Variants in CSMD1 observed in about 807,000 individuals in gnomAD.
The protein encoded by CSMD1 is CUB and sushi domain-containing protein 1.
A neutral mutation model predicts 417.5 loss-of-function variants in CSMD1; 213 were observed. The observed-to-expected ratio is 0.51, with a 90% CI of 0.46 to 0.57. The LOEUF (loss-of-function observed/expected upper bound fraction) is 0.57. CSMD1 is among the 20% of genes least tolerant of loss of function. The pLI, the probability that CSMD1 is intolerant of heterozygous loss-of-function variation, is 0.00. For synonymous variants in CSMD1, 2,862 were observed against 1,736.8 expected (o/e 1.65, Z -16.11); for missense variants, 6,923 against 4,529.7 (o/e 1.53, Z -15.17).
chr8:4,437,091 G>A (rs552518211), intron 2 of CSMD1, among the ~76,000 whole-genome samples: 52 of 151,938 alleles, frequency 3.4e-4, no homozygotes, highest in Non-Finnish European at 3.1e-4. Flanking sequence ...ACAAATTTCC[G>A]AAAAAATGAA....
At position 4,179,785 on chromosome 8, in the gene CSMD1, C is replaced by G. The variant is rs558558706; in HGVS notation, c.416-147686G>C. Among the ~76,000 whole-genome samples the G allele has an allele frequency of 2.2e-4, 33 of 152,210 alleles. 1 individual carries two copies. Among genetic ancestry groups the G allele is most frequent in the African/African-American group, 6.7e-4 (28 of 41,534 alleles). ...TGGTGAACAATATGAACAGACACTTCTCAAAAGAAGACATTTATGCAGCCA... is the reference window on the plus strand; with the variant it reads ...TGGTGAACAATATGAACAGACACTTGTCAAAAGAAGACATTTATGCAGCCA... On this transcript the variant is annotated intron_variant, in intron 3 of 69. Transcript: ENST00000635120.
chr8:3,051,482 G>A (rs13281395), intron 50 of CSMD1, among the ~76,000 whole-genome samples: 74,887 of 151,772 alleles, frequency 0.49, 19,068 homozygotes, highest in Non-Finnish European at 0.56. Context: ...TTCAAAGACT[G>A]TCTCTTGGGT....
intron 3 of CSMD1, among the ~76,000 whole-genome samples, chr8:4,280,404 T>G (rs779704514): frequency 5.3e-5 from 8 of 152,220 alleles, no homozygotes; most frequent in Non-Finnish European, 8.8e-5. Context: ...GTCTAGAATC[T>G]GACAATTAAA....
At chr8:4,546,161 A>AT (rs1242885709) in intron 2 of CSMD1, among the ~76,000 whole-genome samples, 1 of 152,048 alleles carries the variant, frequency 6.6e-6, no homozygotes, top group Non-Finnish European at 1.5e-5. Flanking sequence ...TCCAATGAAC[A>AT]TTTTTCAGTT....
chr8:3,253,808 A>T (rs1033952578), intron 26 of CSMD1, among the ~76,000 whole-genome samples: 4 of 152,224 alleles, frequency 2.6e-5, no homozygotes, highest in East Asian at 3.9e-4. Flanking sequence ...AGCACACTGT[A>T]GGGTCTTGAC....
At chr8:4,767,479 C>T (rs377265426) in intron 1 of CSMD1, among the ~76,000 whole-genome samples, 18 of 152,268 alleles carry the variant, frequency 1.2e-4, no homozygotes, top group South Asian at 2.1e-4. Context: ...CCTCCCTCAC[C>T]GCTGGCTGCT....
At chr8:4,656,185 T>C (rs1289485428) in intron 1 of CSMD1, among the ~76,000 whole-genome samples, 1 of 151,912 alleles carries the variant, frequency 6.6e-6, no homozygotes, top group Non-Finnish European at 1.5e-5. Flanking sequence ...ATAAGAACAC[T>C]GAGGAAGGAC....
chr8:3,725,753 G>A (rs1024796372), intron 6 of CSMD1, among the ~76,000 whole-genome samples: 18 of 152,132 alleles, frequency 1.2e-4, no homozygotes, highest in African/African-American at 4.3e-4. Flanking sequence ...GTTAGTGAGG[G>A]CAGAGTGGAA....
At chr8:3,462,792 G>A (rs545056598) in intron 12 of CSMD1, among the ~76,000 whole-genome samples, 37 of 150,904 alleles carry the variant, frequency 2.5e-4, no homozygotes, top group Non-Finnish European at 4.0e-4. Context: ...AAAAGGCTGG[G>A]GACTCTTATC....
chr8:3,400,291 A>G (rs777922772), intron 15 of CSMD1, among the ~76,000 whole-genome samples: 38 of 152,186 alleles, frequency 2.5e-4, no homozygotes, highest in Non-Finnish European at 4.7e-4. Flanking sequence ...TTCTCTCTCA[A>G]AATTATTTGC....
At chr8:4,317,153 C>T (rs555055457) in intron 3 of CSMD1, among the ~76,000 whole-genome samples, 5 of 152,272 alleles carry the variant, frequency 3.3e-5, no homozygotes, top group Admixed American at 2.0e-4. Context: ...TAATAATCCC[C>T]AAATCCCTTG....
chr8:3,424,548 G>C (rs1028505861), intron 12 of CSMD1, among the ~76,000 whole-genome samples: 6 of 152,186 alleles, frequency 3.9e-5, no homozygotes, highest in Admixed American at 1.3e-4. Flanking sequence ...TGTTCTTGTA[G>C]TTTTTGTAAT....
intron 3 of CSMD1, among the ~76,000 whole-genome samples, chr8:4,380,607 C>A (rs1459347679): frequency 2.0e-5 from 3 of 152,146 alleles, no homozygotes; most frequent in Non-Finnish European, 2.9e-5. Flanking sequence ...AAACTCAGAA[C>A]ATTCAATGCG....
chr8:3,700,039 C>T (rs1231055538), intron 7 of CSMD1, among the ~76,000 whole-genome samples: 2 of 152,160 alleles, frequency 1.3e-5, no homozygotes, highest in Admixed American at 6.5e-5. Context: ...TAGTAGAGAT[C>T]AGAGAACAAA....
At chr8:3,951,815 A>G (rs781638713) in intron 5 of CSMD1, among the ~76,000 whole-genome samples, 1 of 152,192 alleles carries the variant, frequency 6.6e-6, no homozygotes, top group Non-Finnish European at 1.5e-5. Flanking sequence ...AGAAGTGAAA[A>G]ATAGTAACTC....
intron 55 of CSMD1, among the ~76,000 whole-genome samples, chr8:2,975,283 G>C (rs1804820204): frequency 6.6e-6 from 1 of 151,916 alleles, no homozygotes; most frequent in African/African-American, 2.4e-5. Flanking sequence ...CCTTCAAAAA[G>C]GCAAACTCTG....
intron 3 of CSMD1, among the ~76,000 whole-genome samples, chr8:4,112,246 T>A (rs1204076318): frequency 2.6e-5 from 4 of 152,108 alleles, no homozygotes; most frequent in African/African-American, 9.7e-5. Flanking sequence ...CTCCTGAGGT[T>A]CTTAGAAGGC....
intron 4 of CSMD1, among the ~76,000 whole-genome samples, chr8:4,020,801 G>A: frequency 6.6e-6 from 1 of 152,168 alleles, no homozygotes; most frequent in East Asian, 1.9e-4. Context: ...TTTCTTTTGA[G>A]AAAACTTTTT....
At chr8:3,703,436 T>TTCA (rs1800984313) in intron 7 of CSMD1, among the ~76,000 whole-genome samples, 5 of 149,812 alleles carry the variant, frequency 3.3e-5, no homozygotes, top group Admixed American at 3.3e-4. Context: ...CTTTCTCCCT[T>TTCA]TTCATTCATT....
Sources: allele counts gnomAD v4.1 joint callset (sites outside exome capture counted in the v4.1 genomes callset), GRCh38; gene constraint gnomAD v4.1.1; transcripts MANE v1.5; gene names NCBI Gene and HGNC (gene_info 2026-07-23, HGNC 2026-07-21).